LIFR: variants seen among roughly 807,000 people sequenced by gnomAD.
LIFR encodes the protein leukemia inhibitory factor receptor.
LIFR carries 84 observed loss-of-function variants against 122.2 expected under a neutral mutation model. The observed-to-expected ratio is 0.69, with a 90% CI of 0.58 to 0.82. The LOEUF (loss-of-function observed/expected upper bound fraction) is 0.82. Among genes scored for constraint, LIFR ranks in the 40% least tolerant of loss-of-function variants. The pLI is 0.00. For synonymous variants in LIFR, 422 were observed against 434.7 expected (o/e 0.97, Z 0.36); for missense variants, 1,294 against 1,311.6 (o/e 0.99, Z 0.21).
At chr5:38,535,139 C>T (rs1747226793) in intron 1 of LIFR, among the ~76,000 whole-genome samples, 1 of 152,136 alleles carries the variant, frequency 6.6e-6, no homozygotes, top group South Asian at 2.1e-4. Flanking sequence ...GAGTCAGAAC[C>T]TAGAAAGAGG....
At chr5:38,503,876 A>G in intron 10 of LIFR, 100 bp downstream of exon 10, 1 of 847,706 alleles carries the variant, frequency 1.2e-6, no homozygotes, top group Non-Finnish European at 2.0e-6. Context: ...AATCTCTATA[A>G]TAAATAATCT....
intron 5 of LIFR, 118 bp downstream of exon 5, chr5:38,523,300 AG>A: frequency 1.3e-6 from 1 of 753,480 alleles, no homozygotes; most frequent in Non-Finnish European, 2.2e-6. Context: ...GAACCCTGAA[AG>A]GTATCTGATT....
In LIFR at chr5:38,528,631, A is replaced by G. The variant is rs1746818111; in HGVS notation, c.257+95T>C. 3.7e-6 allele frequency: 3 copies of G among 806,358 alleles called. No individual in the cohort carries two copies. In the Admixed American group the frequency reaches 6.0e-5, roughly 16 times the overall value. 50.0% of individuals were successfully genotyped at this position (806,358 alleles called of 1,614,324 possible). ...GCTGGACACAGAACACAAGCAGGAA[A>G]TAACCCTTTAGTTTCACAAGCAATA... On this transcript the variant is annotated intron_variant, in intron 3 of 19. Transcript: ENST00000453190.
upstream of LIFR, chr5:38,557,870 C>T (rs1748667902): frequency 6.6e-6 from 1 of 152,130 alleles, no homozygotes; most frequent in African/African-American, 2.4e-5. Context: ...CTAAAAACGC[C>T]TCCTGTTACC....
intron 1 of LIFR, among the ~76,000 whole-genome samples, chr5:38,535,398 G>T (rs925168331): frequency 1.3e-5 from 2 of 152,110 alleles, no homozygotes; most frequent in African/African-American, 4.8e-5. Context: ...ATGTCATGGG[G>T]TTGCACAATT....
intron 9 of LIFR, 31 bp downstream of exon 9, chr5:38,505,874 T>A: frequency 6.8e-7 from 1 of 1,478,478 alleles, no homozygotes; most frequent in Non-Finnish European, 9.3e-7. Flanking sequence ...TTTAAAGTTA[T>A]TTTTAAGACA....
At position 38,476,633 on chromosome 5, in the gene LIFR, T is replaced by C. The variant is rs779848824; in HGVS notation, c.*4962A>G. 3.4e-5 allele frequency: 7 copies of C among 204,600 alleles called. No individual in the cohort carries two copies. The highest frequency in any genetic ancestry group is 6.0e-5 in the Non-Finnish European group (6 of 100,150). The allele number at this position is 204,600 out of a possible 1,614,324, so 12.7% of individuals were successfully genotyped here. ...CAATTAGACATTTTCCCCACTCACATCTCTTAGTTTTTAGGGTATTCAGTC... is the reference window on the plus strand; with the variant it reads ...CAATTAGACATTTTCCCCACTCACACCTCTTAGTTTTTAGGGTATTCAGTC... On this transcript the variant is annotated 3_prime_UTR_variant, in exon 20 of 20. Transcript: ENST00000453190.
At chr5:38,567,190 C>G (rs1749052530) in intron 1 of LIFR, among the ~76,000 whole-genome samples, 1 of 152,150 alleles carries the variant, frequency 6.6e-6, no homozygotes, top group African/African-American at 2.4e-5. Flanking sequence ...GGAACCAATT[C>G]TGGTGATCTA....
At chr5:38,506,372 A>G in intron 8 of LIFR, 131 bp downstream of exon 8, 1 of 1,069,730 alleles carries the variant, frequency 9.3e-7, no homozygotes, top group Non-Finnish European at 1.4e-6. Flanking sequence ...TTATAAGTGT[A>G]ATTTTATACA....
In LIFR at chr5:38,479,283, C is replaced by T. The variant is rs905582380; in HGVS notation, c.*2312G>A. ...TAAGGAGCTTGCCCAGACTTAATAG[C>T]GTTACTCTGCTTCTCATTAAGCTAG... is the stretch of plus-strand genomic sequence containing the variant. On this transcript the variant is annotated 3_prime_UTR_variant, in exon 20 of 20. Coordinates refer to ENST00000453190, the MANE Select transcript of LIFR (RefSeq NM_001127671.2). 3 of 231,584 alleles carry T rather than the reference C, an allele frequency of 1.3e-5. No homozygotes were observed. Among genetic ancestry groups the T allele is most frequent in the South Asian group, 1.8e-4 (1 of 5,512 alleles). 14.3% of individuals were successfully genotyped at this position (231,584 alleles called of 1,614,324 possible). A position where few individuals can be genotyped will look rare whatever the true frequency, so the allele number is the denominator to read the frequency against.
At position 38,481,872 on chromosome 5, in the gene LIFR, T is replaced by A; in HGVS notation, c.3017A>T (p.His1006Leu). The A allele has an allele frequency of 6.2e-7, 1 of 1,614,134 alleles. No homozygotes were observed. The highest frequency in any genetic ancestry group is 1.1e-5 in the South Asian group (1 of 91,082). The change falls in exon 20 of 20, where the codon CAC (histidine) becomes CTC (leucine). Residue 1006 changes from histidine to leucine, a missense_variant. By Grantham distance (99) the His-to-Leu change is moderately conservative. Coordinates refer to ENST00000453190, the MANE Select transcript of LIFR (RefSeq NM_001127671.2). ...VGGAGYKPQM[H>L]LPINSTVEDI... ...TTCCACAGTAGAATTAATGGGGAGG[T>A]GCATCTGTGGCTTATAGCCTGCCCC...
chr5:38,569,442 C>G (rs1749136926), intron 1 of LIFR, among the ~76,000 whole-genome samples: 1 of 151,984 alleles, frequency 6.6e-6, no homozygotes, highest in African/African-American at 2.4e-5. Flanking sequence ...ACCACCTGAG[C>G]TCCACCTCCT....
intron 1 of LIFR, among the ~76,000 whole-genome samples, chr5:38,593,075 C>T (rs747192467): frequency 2.6e-5 from 4 of 151,896 alleles, no homozygotes; most frequent in Admixed American, 6.6e-5. Flanking sequence ...TGGTGGTGCA[C>T]GCCTGTAATC....
chr5:38,534,374 C>A lies in LIFR; in HGVS notation c.-19-3708G>T, dbSNP rs73079406. Among the ~76,000 whole-genome samples the A allele has an allele frequency of 6.0e-3, 919 of 152,198 alleles. 11 individuals are homozygous for A. The highest frequency in any genetic ancestry group is 0.021 in the African/African-American group (855 of 41,506). On this transcript the variant is annotated intron_variant, in intron 1 of 19. Coordinates refer to ENST00000453190, the MANE Select transcript of LIFR (RefSeq NM_001127671.2). ...GAAAGAAATACTTACGAAAAACATA[C>A]ACTTGGCCAGACTGAGAAGTTCTAT... is the stretch of plus-strand genomic sequence containing the variant.
intron 1 of LIFR, among the ~76,000 whole-genome samples, chr5:38,541,147 C>T (rs900547734): frequency 7.2e-5 from 11 of 152,154 alleles, no homozygotes; most frequent in Admixed American, 3.3e-4. Flanking sequence ...CTTCAGACCA[C>T]GGTCTACAAC....
chr5:38,598,211 CTTTTTTT>C (rs869193908), upstream of LIFR, among the ~76,000 whole-genome samples: 1 of 62,208 alleles, frequency 1.6e-5, no homozygotes, highest in South Asian at 6.2e-4. Flanking sequence ...TAAGGCACCT[CTTTTTTT>C]TTTTTTTTTT....
chr5:38,558,451 C>T (rs978721264), upstream of LIFR: 49 of 152,134 alleles, frequency 3.2e-4, no homozygotes, highest in African/African-American at 1.2e-3. Flanking sequence ...ACCTCTTAAT[C>T]CTCACAGCAC....
chr5:38,521,299 A>C (rs1007371737), intron 5 of LIFR, among the ~76,000 whole-genome samples: 2 of 152,126 alleles, frequency 1.3e-5, no homozygotes, highest in Admixed American at 6.5e-5. Flanking sequence ...TACTAACTTT[A>C]TTTACAGATC....
chr5:38,510,683 C>T lies in LIFR; in HGVS notation c.772G>A (p.Asp258Asn). 6.2e-7 allele frequency: 1 copy of T among 1,613,442 alleles called. No individual in the cohort carries two copies. The highest frequency in any genetic ancestry group is 8.5e-7 in the Non-Finnish European group (1 of 1,179,556). The change falls in exon 7 of 20, where the codon GAT becomes AAT. Residue 258 changes from aspartate (D) to asparagine (N), a missense_variant. Transcript: ENST00000453190. ...TCTGAGCCTACAAGTATCACTTTAT[C>T]TTGAGGAAAAACCTTAGTCTGAGAA... is the stretch of plus-strand genomic sequence containing the variant. ...PDSQTKVFPQ[D>N]KVILVGSDIT...
Sources: allele counts gnomAD v4.1 joint callset (sites outside exome capture counted in the v4.1 genomes callset), GRCh38; gene constraint gnomAD v4.1.1; transcripts MANE v1.5; gene names NCBI Gene and HGNC (gene_info 2026-07-23, HGNC 2026-07-21).